Variants in AKNAD1 observed in about 807,000 individuals in gnomAD.
AKNAD1 encodes AKNA domain containing 1, also known as protein AKNAD1.
AKNAD1 carries 67 observed loss-of-function variants against 90.8 expected under a neutral mutation model. The observed-to-expected ratio is 0.74, with a 90% CI of 0.61 to 0.90. The LOEUF (loss-of-function observed/expected upper bound fraction) is 0.90. AKNAD1 is among the 40% of genes least tolerant of loss of function. AKNAD1 has a pLI of 0.00. For synonymous variants in AKNAD1, 327 were observed against 341.4 expected, an observed-to-expected ratio of 0.96 and a Z score of 0.46; for missense variants, 957 against 975.4, an observed-to-expected ratio of 0.98 and a Z score of 0.25.
chr1:108,840,568 G>C (rs2101197667), intron 6 of AKNAD1, among the ~76,000 whole-genome samples: 1 of 152,218 alleles, frequency 6.6e-6, no homozygotes, highest in South Asian at 2.1e-4. Flanking sequence ...ATAGCTATAA[G>C]AAAATTTTAA....
intron 14 of AKNAD1, among the ~76,000 whole-genome samples, chr1:108,818,554 T>G (rs775275505): frequency 2.0e-5 from 3 of 152,188 alleles, no homozygotes; most frequent in Non-Finnish European, 4.4e-5. Context: ...GTGCTTTATA[T>G]GTATGGACTC....
chr1:108,825,328 G>C (rs1295421998), intron 11 of AKNAD1, among the ~76,000 whole-genome samples: 1 of 151,666 alleles, frequency 6.6e-6, no homozygotes, highest in South Asian at 2.1e-4. Context: ...CACAGCTATA[G>C]ATAGCTAATA....
At chr1:108,820,789 C>T (rs573691064) in intron 13 of AKNAD1, among the ~76,000 whole-genome samples, 163 bp from the exon 14 acceptor site, 24 of 152,082 alleles carry the variant, frequency 1.6e-4, no homozygotes, top group Non-Finnish European at 3.1e-4. Context: ...TTGCTGGGCG[C>T]GGTGGCTCAC....
At chr1:108,850,737 T>G (rs1664830199) in intron 2 of AKNAD1, among the ~76,000 whole-genome samples, 1 of 152,314 alleles carries the variant, frequency 6.6e-6, no homozygotes, top group African/African-American at 2.4e-5. Context: ...CCAGGACACC[T>G]TCATATAAGG....
At chr1:108,816,953 T>C in intron 15 of AKNAD1, 95 bp downstream of exon 15, 1 of 1,460,144 alleles carries the variant, frequency 6.8e-7, no homozygotes, top group Non-Finnish European at 9.3e-7. Flanking sequence ...TCTGAAGCTC[T>C]GATACTGTAA....
At chr1:108,847,367 G>C (rs1486664910) in intron 5 of AKNAD1, among the ~76,000 whole-genome samples, 1 of 150,780 alleles carries the variant, frequency 6.6e-6, no homozygotes, top group Non-Finnish European at 1.5e-5. Flanking sequence ...AGAATCACTT[G>C]AACTTGGGGA....
chr1:108,844,774 C>T (rs1664654624), intron 5 of AKNAD1, among the ~76,000 whole-genome samples: 1 of 151,500 alleles, frequency 6.6e-6, no homozygotes, highest in South Asian at 2.1e-4. Context: ...TGAGATAATG[C>T]ATTGTGCCAG....
chr1:108,854,371 A>G (rs1664971117), intron 1 of AKNAD1, among the ~76,000 whole-genome samples: 1 of 152,146 alleles, frequency 6.6e-6, no homozygotes, highest in African/African-American at 2.4e-5. Context: ...CCATACAATG[A>G]TTATGTTGGG....
At chr1:108,823,772 T>G (rs1663901847) in intron 11 of AKNAD1, 84 bp from the exon 12 acceptor site, 2 of 1,591,152 alleles carry the variant, frequency 1.3e-6, no homozygotes, top group Non-Finnish European at 1.7e-6. Context: ...GAGCTGTAAC[T>G]GTGCAGGGTA....
chr1:108,826,369 C>T (rs911271907), intron 11 of AKNAD1, among the ~76,000 whole-genome samples: 5 of 151,690 alleles, frequency 3.3e-5, no homozygotes, highest in Non-Finnish European at 5.9e-5. Context: ...GCTGCCTGAG[C>T]AGAGGCCTCC....
chr1:108,848,667 G>C (rs1053170470), intron 5 of AKNAD1, 85 bp downstream of exon 5: 59 of 1,252,106 alleles, frequency 4.7e-5, no homozygotes, highest in Admixed American at 2.6e-4. Flanking sequence ...CCACTGTAGA[G>C]AAAACATGGC....
At chr1:108,824,126 A>G (rs1029303107) in intron 11 of AKNAD1, among the ~76,000 whole-genome samples, 4 of 152,210 alleles carry the variant, frequency 2.6e-5, no homozygotes, top group Non-Finnish European at 5.9e-5. Flanking sequence ...GGTTTCTTCT[A>G]TGTGACATTC....
At chr1:108,848,105 C>T (rs1238764456) in intron 5 of AKNAD1, among the ~76,000 whole-genome samples, 16 of 152,178 alleles carry the variant, frequency 1.1e-4, no homozygotes, top group Non-Finnish European at 2.2e-4. Context: ...CTTGTGCCTA[C>T]ATCAGAACTT....
chr1:108,844,220 G>A (rs979729703), intron 5 of AKNAD1, among the ~76,000 whole-genome samples: 10 of 152,086 alleles, frequency 6.6e-5, no homozygotes, highest in Non-Finnish European at 1.2e-4. Context: ...AAAATTATCC[G>A]GGCATGGTGG....
intron 10 of AKNAD1, among the ~76,000 whole-genome samples, chr1:108,828,103 C>T (rs1557828093): frequency 6.6e-6 from 1 of 151,264 alleles, no homozygotes; most frequent in East Asian, 2.0e-4. Context: ...AACAAACAAA[C>T]AAACAAACAA....
rs11369356 is a variant in AKNAD1 at position 108,827,813 on chromosome 1, C to CA, written c.1839-512dup. Reference sequence around the variant, plus strand: ...TGGGTGACAGAGCGAGACTCCTACTCAAAAAAAAAAAAAAGAAAATGTATA... The same window carrying CA: ...TGGGTGACAGAGCGAGACTCCTACTCAAAAAAAAAAAAAAAGAAAATGTATA... On this transcript the variant is annotated intron_variant, in intron 10 of 15. Transcript: ENST00000370001. Among the ~76,000 whole-genome samples, 1,043 of 115,056 alleles carry CA rather than the reference C, an allele frequency of 9.1e-3. 35 individuals carry two copies. The highest frequency in any genetic ancestry group is 0.029 in the African/African-American group (908 of 31,176). 75.5% of individuals were successfully genotyped at this position (115,056 alleles called of 152,430 possible).
At chr1:108,820,503 C>T (rs768750025) in intron 14 of AKNAD1, 42 bp downstream of exon 14, 2 of 1,341,464 alleles carry the variant, frequency 1.5e-6, no homozygotes, top group Non-Finnish European at 2.1e-6. Flanking sequence ...TCCACCCAAC[C>T]AATGAGAAAT....
intron 9 of AKNAD1, 143 bp from the exon 10 acceptor site, chr1:108,830,793 T>C: frequency 2.8e-6 from 2 of 726,256 alleles, no homozygotes; most frequent in Non-Finnish European, 4.8e-6. Flanking sequence ...CTCCTCCAGT[T>C]GGGGAAAGGG....
At chr1:108,818,261 A>G (rs1459003789) in intron 14 of AKNAD1, among the ~76,000 whole-genome samples, 3 of 152,210 alleles carry the variant, frequency 2.0e-5, no homozygotes, top group African/African-American at 7.2e-5. Context: ...TTTGGTGCAT[A>G]AAACACTTGT....
Sources: allele counts gnomAD v4.1 joint callset (sites outside exome capture counted in the v4.1 genomes callset), GRCh38; gene constraint gnomAD v4.1.1; transcripts MANE v1.5; gene names NCBI Gene and HGNC (gene_info 2026-07-23, HGNC 2026-07-21).